FAM184A: variants seen among roughly 807,000 people sequenced by gnomAD.
FAM184A encodes the protein protein FAM184A.
A neutral mutation model predicts 143.8 loss-of-function variants in FAM184A; 99 were observed. The ratio of observed to expected loss-of-function variants is 0.69; its 90% CI spans 0.58 to 0.81. The LOEUF (loss-of-function observed/expected upper bound fraction) is 0.81, where lower values mean the gene tolerates loss of function less well. Among genes scored for constraint, FAM184A ranks in the 40% least tolerant of loss-of-function variants. The probability of loss-of-function intolerance (pLI) is 0.00; values close to 1 mark genes in which losing one functional copy is unlikely to be tolerated. For missense variants in FAM184A, 1,217 were observed against 1,310.5 expected (o/e 0.93, Z 1.10); for synonymous variants, 427 against 446.4 (o/e 0.96, Z 0.55).
chr6:119,068,371 A>C (rs1418266263), intron 1 of FAM184A, among the ~76,000 whole-genome samples: 1 of 152,146 alleles, frequency 6.6e-6, no homozygotes. Flanking sequence ...TTATTGTTAA[A>C]GAGTATGTCA....
chr6:119,065,344 T>C (rs1269943989), intron 1 of FAM184A, among the ~76,000 whole-genome samples: 1 of 152,262 alleles, frequency 6.6e-6, no homozygotes, highest in Non-Finnish European at 1.5e-5. Flanking sequence ...GTCAACTCTT[T>C]ACAGAGACTA....
At chr6:119,061,388 C>G (rs989069815) in intron 1 of FAM184A, among the ~76,000 whole-genome samples, 1 of 151,950 alleles carries the variant, frequency 6.6e-6, no homozygotes, top group Admixed American at 6.6e-5. Context: ...CAAGGTCACA[C>G]TGTGTCATCC....
At chr6:119,036,106 G>A (rs1786102920) in intron 1 of FAM184A, among the ~76,000 whole-genome samples, 1 of 152,120 alleles carries the variant, frequency 6.6e-6, no homozygotes, top group Non-Finnish European at 1.5e-5. Flanking sequence ...CTAGAGAGAT[G>A]CACTGAAGAT....
intron 6 of FAM184A, among the ~76,000 whole-genome samples, chr6:119,010,497 A>C (rs918029560): frequency 6.6e-6 from 1 of 151,910 alleles, no homozygotes; most frequent in African/African-American, 2.4e-5. Flanking sequence ...TTTCCTGCTT[A>C]TTTTTAGCTT....
chr6:119,044,072 T>A (rs1370703788), intron 1 of FAM184A, among the ~76,000 whole-genome samples: 1 of 152,148 alleles, frequency 6.6e-6, no homozygotes, highest in Non-Finnish European at 1.5e-5. Flanking sequence ...AAAGTTGATT[T>A]TTTAAAATGA....
intron 1 of FAM184A, among the ~76,000 whole-genome samples, chr6:119,061,517 G>A (rs1276617632): frequency 6.8e-6 from 1 of 146,870 alleles, no homozygotes; most frequent in African/African-American, 2.5e-5. Context: ...TACCATGCCT[G>A]GCTAATTATT....
intron 4 of FAM184A, among the ~76,000 whole-genome samples, chr6:119,019,305 C>T (rs1403939153): frequency 1.3e-5 from 2 of 152,158 alleles, no homozygotes; most frequent in Non-Finnish European, 2.9e-5. Context: ...CCACCAAGTC[C>T]ACCAATCAGG....
intron 5 of FAM184A, 119 bp downstream of exon 5, chr6:119,016,627 CG>C (rs1562474596): frequency 1.3e-6 from 1 of 779,980 alleles, no homozygotes; most frequent in African/African-American, 1.7e-5. Context: ...TAACACTCAC[CG>C]CGGGGGTCCG....
chr6:119,035,823 C>A (rs2114717630), intron 1 of FAM184A, among the ~76,000 whole-genome samples: 1 of 152,260 alleles, frequency 6.6e-6, no homozygotes, highest in African/African-American at 2.4e-5. Flanking sequence ...AGTTGTCGCA[C>A]CTTTCCCAAT....
chr6:119,122,147 T>G (rs1373605947), intron 1 of FAM184A, among the ~76,000 whole-genome samples: 1 of 152,166 alleles, frequency 6.6e-6, no homozygotes, highest in Non-Finnish European at 1.5e-5. Flanking sequence ...GCTCTTTCTC[T>G]GTGGGGATAT....
chr6:118,974,588 TTTTAG>T lies in FAM184A; in HGVS notation c.2769-19_2769-15del. The T allele has an allele frequency of 6.3e-7, 1 of 1,578,968 alleles. No homozygotes were observed. The highest frequency in any genetic ancestry group is 8.6e-7 in the Non-Finnish European group (1 of 1,164,284). Reference sequence around the variant, plus strand: ...TGTTCATGCAACCTGTTTGATTTATTTTTAGTTAAGAAAATGTTATTCTGAAGTCA... The same window carrying T: ...TGTTCATGCAACCTGTTTGATTTATTTTAAGAAAATGTTATTCTGAAGTCA... On this transcript the variant is annotated splice_polypyrimidine_tract_variant and intron_variant, in intron 13 of 17. Transcript: ENST00000338891.
intron 7 of FAM184A, among the ~76,000 whole-genome samples, chr6:119,004,188 C>G (rs989891574): frequency 6.6e-6 from 1 of 152,326 alleles, no homozygotes; most frequent in South Asian, 2.1e-4. Flanking sequence ...AATCAAGTGG[C>G]TCTGTGGAGC....
At chr6:119,007,147 C>G (rs974991850) in intron 6 of FAM184A, among the ~76,000 whole-genome samples, 2 of 152,092 alleles carry the variant, frequency 1.3e-5, no homozygotes, top group Non-Finnish European at 2.9e-5. Context: ...AATTTATACA[C>G]TCGAAATTAG....
At chr6:119,046,822 G>A (rs964415754) in intron 1 of FAM184A, among the ~76,000 whole-genome samples, 26 of 152,102 alleles carry the variant, frequency 1.7e-4, no homozygotes, top group African/African-American at 6.0e-4. Flanking sequence ...CCACAAGATC[G>A]TGGAATCTAT....
chr6:119,056,909 TCAAA>T (rs1268544309), intron 1 of FAM184A, among the ~76,000 whole-genome samples: 8 of 152,188 alleles, frequency 5.3e-5, no homozygotes, highest in Admixed American at 5.2e-4. Flanking sequence ...TGCCCGTTTC[TCAAA>T]CAAGCTAACA....
At chr6:119,020,689 G>T (rs1258462370) in intron 3 of FAM184A, among the ~76,000 whole-genome samples, 4 of 152,188 alleles carry the variant, frequency 2.6e-5, no homozygotes, top group Non-Finnish European at 5.9e-5. Context: ...TCAGGCAAGA[G>T]GCCAGATAAA....
At chr6:119,035,287 G>C (rs1786066526) in intron 1 of FAM184A, among the ~76,000 whole-genome samples, 1 of 152,118 alleles carries the variant, frequency 6.6e-6, no homozygotes, top group Non-Finnish European at 1.5e-5. Flanking sequence ...ATGATAGGAA[G>C]AGGGGGTCAC....
intron 1 of FAM184A, among the ~76,000 whole-genome samples, chr6:119,106,881 A>C (rs574681488): frequency 2.8e-4 from 42 of 152,354 alleles, no homozygotes; most frequent in African/African-American, 9.6e-4. Flanking sequence ...GTTACGGTGA[A>C]TGGGAAAGGT....
chr6:119,022,053 C>CTTTTTTTTTTTT (rs34128659), intron 3 of FAM184A, among the ~76,000 whole-genome samples: 3 of 84,390 alleles, frequency 3.6e-5, no homozygotes, highest in Admixed American at 1.7e-4. Context: ...TTCGTTCTTT[C>CTTTTTTTTTTTT]TTTTTTTTTT....
Sources: allele counts gnomAD v4.1 joint callset (sites outside exome capture counted in the v4.1 genomes callset), GRCh38; gene constraint gnomAD v4.1.1; transcripts MANE v1.5; gene names NCBI Gene and HGNC (gene_info 2026-07-23, HGNC 2026-07-21).